Variants in PATJ observed in about 807,000 individuals in gnomAD.
PATJ encodes the protein PATJ crumbs cell polarity complex component.
Under a neutral mutation model 224.9 loss-of-function variants are expected in PATJ, and 190 were observed. That is an observed-to-expected ratio of 0.84 (90% CI 0.75 to 0.95). The LOEUF (loss-of-function observed/expected upper bound fraction) is 0.95, where lower values mean the gene tolerates loss of function less well. Among genes scored for constraint, PATJ ranks in the 40% least tolerant of loss-of-function variants. The pLI, the probability that PATJ is intolerant of heterozygous loss-of-function variation, is 0.00. For synonymous variants in PATJ, 769 were observed against 820.3 expected (o/e 0.94, Z 1.07); for missense variants, 2,121 against 2,270.3 (o/e 0.93, Z 1.34).
In PATJ at chr1:62,121,290, A is replaced by G. The variant is rs1394606312; in HGVS notation, c.5000A>G (p.Asn1667Ser). The G allele has an allele frequency of 6.2e-7, 1 of 1,603,748 alleles. No individual in the cohort carries two copies. Among genetic ancestry groups the G allele is most frequent in the Non-Finnish European group, 8.5e-7 (1 of 1,170,802 alleles). Reference sequence around the variant, plus strand: ...AGAGTTTCAGATCCTTCCCAGAAAAATTCAGGTATTACACGGACACACCCA... The same window carrying G: ...AGAGTTTCAGATCCTTCCCAGAAAAGTTCAGGTATTACACGGACACACCCA... ...TKRVSDPSQKNSGTDMEPRTV... is the reference protein window; with the variant it reads ...TKRVSDPSQKSSGTDMEPRTV... The change falls in exon 38 of 44, where the codon AAT becomes AGT. Residue 1667 changes from asparagine to serine, a missense_variant. By Grantham distance (46) the Asn-to-Ser change is conservative. Transcript: ENST00000642238.
chr1:62,013,389 T>A (rs1465039143), intron 28 of PATJ: 4 of 985,270 alleles, frequency 4.1e-6, no homozygotes, highest in Non-Finnish European at 4.8e-6. Context: ...TACTCGCAGT[T>A]GATTAAGCAC....
chr1:61,821,509 C>G (rs934485650), intron 14 of PATJ, among the ~76,000 whole-genome samples: 7 of 152,122 alleles, frequency 4.6e-5, no homozygotes, highest in African/African-American at 1.7e-4. Flanking sequence ...AGCCAGACTC[C>G]TTGCCACTTC....
intron 18 of PATJ, among the ~76,000 whole-genome samples, chr1:61,860,320 C>G (rs982513942): frequency 6.6e-6 from 1 of 152,156 alleles, no homozygotes; most frequent in Admixed American, 6.5e-5. Context: ...CTCAGCCTCC[C>G]AAAGTGCTGG....
chr1:62,037,591 C>T (rs1440412925), intron 29 of PATJ, among the ~76,000 whole-genome samples: 4 of 152,130 alleles, frequency 2.6e-5, no homozygotes, highest in Admixed American at 6.5e-5. Flanking sequence ...AAGAACAAAA[C>T]GCCCCAGACA....
At chr1:62,043,420 A>T (rs960380995) in intron 30 of PATJ, among the ~76,000 whole-genome samples, 1 of 152,188 alleles carries the variant, frequency 6.6e-6, no homozygotes, top group African/African-American at 2.4e-5. Flanking sequence ...TATGCTCTAT[A>T]AACTTCAATT....
chr1:61,900,642 T>G (rs1202308019), intron 23 of PATJ, among the ~76,000 whole-genome samples: 3 of 151,994 alleles, frequency 2.0e-5, no homozygotes, highest in Non-Finnish European at 2.9e-5. Flanking sequence ...CGGGCTGGAG[T>G]GCAGTGGCGC....
At chr1:61,910,105 C>T (rs1473774175) in intron 25 of PATJ, among the ~76,000 whole-genome samples, 2 of 152,156 alleles carry the variant, frequency 1.3e-5, no homozygotes, top group Admixed American at 6.5e-5. Flanking sequence ...GCTTTTATTT[C>T]TGGAAACCTA....
intron 6 of PATJ, among the ~76,000 whole-genome samples, chr1:61,773,289 T>G (rs1646722086): frequency 6.6e-6 from 1 of 151,752 alleles, no homozygotes; most frequent in South Asian, 2.1e-4. Flanking sequence ...CCAAAAGTAC[T>G]GGGATTACAG....
chr1:61,983,055 G>A (rs933747822), intron 27 of PATJ, among the ~76,000 whole-genome samples: 1 of 151,912 alleles, frequency 6.6e-6, no homozygotes, highest in African/African-American at 2.4e-5. Context: ...AATGGAGTCT[G>A]AAATTAAGGA....
intron 1 of PATJ, among the ~76,000 whole-genome samples, chr1:61,762,384 A>G (rs1646017943): frequency 6.6e-6 from 1 of 152,002 alleles, no homozygotes; most frequent in African/African-American, 2.4e-5. Flanking sequence ...TGAATATTAT[A>G]TACCATTTGT....
intron 26 of PATJ, among the ~76,000 whole-genome samples, chr1:61,926,988 C>T (rs1056652645): frequency 6.6e-6 from 1 of 152,074 alleles, no homozygotes; most frequent in Non-Finnish European, 1.5e-5. Flanking sequence ...TGAGTCTCAC[C>T]GTTGAGTTTG....
Position 62,044,473 on chromosome 1 carries a change from G to A in PATJ, c.4032+6424G>A, listed in dbSNP as rs544797891. On this transcript the variant is annotated intron_variant, in intron 30 of 43. Transcript: ENST00000642238. Reference sequence around the variant, plus strand: ...GCAATGTTAAAGACATCTTGAAGAGGGAAACCCAATTAAGAAGCCATTGCT... The same window carrying A: ...GCAATGTTAAAGACATCTTGAAGAGAGAAACCCAATTAAGAAGCCATTGCT... Among the ~76,000 whole-genome samples, 6 of 152,268 alleles carry A rather than the reference G, an allele frequency of 3.9e-5. No individual in the cohort carries two copies. The East Asian group carries it at 9.7e-4, about 25-fold the overall frequency.
intron 27 of PATJ, among the ~76,000 whole-genome samples, chr1:61,930,892 G>T (rs965902557): frequency 6.6e-6 from 1 of 152,064 alleles, no homozygotes; most frequent in Non-Finnish European, 1.5e-5. Context: ...TAGAGACAGG[G>T]TTTCTTCTCC....
intron 29 of PATJ, among the ~76,000 whole-genome samples, chr1:62,036,913 G>A (rs1650529409): frequency 6.9e-6 from 1 of 145,560 alleles, no homozygotes; most frequent in African/African-American, 2.5e-5. Context: ...GAGGGAGGGA[G>A]GAAGGGAGGA....
intron 41 of PATJ, among the ~76,000 whole-genome samples, chr1:62,139,273 C>T (rs1394013464): frequency 2.0e-5 from 3 of 151,728 alleles, no homozygotes; most frequent in South Asian, 2.1e-4. Context: ...TGGTGGCGGG[C>T]GCCTGTAGTC....
intron 34 of PATJ, 44 bp downstream of exon 34, chr1:62,108,564 C>T (rs1333808419): frequency 8.5e-7 from 1 of 1,179,164 alleles, no homozygotes; most frequent in South Asian, 1.3e-5. Flanking sequence ...AATGTGGTTC[C>T]TTTGCTGGTC....
chr1:62,014,124 T>C (rs1646625627), intron 28 of PATJ, among the ~76,000 whole-genome samples: 1 of 152,172 alleles, frequency 6.6e-6, no homozygotes, highest in African/African-American at 2.4e-5. Flanking sequence ...AGTACAGTCA[T>C]AGCTCACTGC....
chr1:62,146,367 A>G (rs1316853431), intron 41 of PATJ, among the ~76,000 whole-genome samples: 1 of 152,212 alleles, frequency 6.6e-6, no homozygotes, highest in Non-Finnish European at 1.5e-5. Flanking sequence ...GGACAGTTTT[A>G]AGCAAAAGAT....
intron 5 of PATJ, among the ~76,000 whole-genome samples, chr1:61,770,952 T>C (rs1021108294): frequency 2.0e-5 from 3 of 149,760 alleles, no homozygotes; most frequent in Non-Finnish European, 3.0e-5. Context: ...TTGGAAGTAA[T>C]CTCTATGAAT....
Sources: allele counts gnomAD v4.1 joint callset (sites outside exome capture counted in the v4.1 genomes callset), GRCh38; gene constraint gnomAD v4.1.1; transcripts MANE v1.5; gene names NCBI Gene and HGNC (gene_info 2026-07-23, HGNC 2026-07-21).